The following CEP70 variants were observed in gnomAD, a reference collection of about 807,000 sequenced individuals.
CEP70 encodes the protein centrosomal protein of 70 kDa.
A neutral mutation model predicts 90.9 loss-of-function variants in CEP70; 70 were observed. The ratio of observed to expected loss-of-function variants is 0.77; its 90% CI spans 0.64 to 0.94. The LOEUF (loss-of-function observed/expected upper bound fraction) is 0.94, where lower values mean the gene tolerates loss of function less well. Among genes scored for constraint, CEP70 ranks in the 40% least tolerant of loss-of-function variants. CEP70 has a pLI of 0.00. For missense variants in CEP70, 648 were observed against 669.0 expected (o/e 0.97, Z 0.35); for synonymous variants, 220 against 228.3 (o/e 0.96, Z 0.33).
intron 10 of CEP70, among the ~76,000 whole-genome samples, chr3:138,527,784 C>A (rs1475464739): frequency 2.6e-5 from 4 of 151,842 alleles, no homozygotes; most frequent in Non-Finnish European, 5.9e-5. Context: ...GAACTCCTGG[C>A]CTCAAACAAT....
intron 6 of CEP70, among the ~76,000 whole-genome samples, chr3:138,552,509 AACTCCAAAAGG>A (rs889605549): frequency 6.6e-6 from 1 of 152,216 alleles, no homozygotes; most frequent in Non-Finnish European, 1.5e-5. Context: ...ACTGAAAATC[AACTCCAAAAGG>A]TACCTTCAAA....
intron 16 of CEP70, chr3:138,499,833 T>G: frequency 3.3e-6 from 1 of 301,888 alleles, no homozygotes; most frequent in Non-Finnish European, 6.3e-6. Context: ...TGGCGTGTGC[T>G]TACAGTCACA....
At chr3:138,506,829 A>T (rs527493522) in intron 12 of CEP70, among the ~76,000 whole-genome samples, 12 of 152,274 alleles carry the variant, frequency 7.9e-5, no homozygotes, top group African/African-American at 2.9e-4. Flanking sequence ...GCAGCGTTGA[A>T]TTCCTGGGCT....
At chr3:138,562,756 A>G (rs2040503251) in intron 6 of CEP70, among the ~76,000 whole-genome samples, 1 of 152,342 alleles carries the variant, frequency 6.6e-6, no homozygotes, top group African/African-American at 2.4e-5. Flanking sequence ...AAATCATACC[A>G]AACTGTAAAG....
intron 7 of CEP70, among the ~76,000 whole-genome samples, chr3:138,534,978 G>T (rs1374384308): frequency 6.6e-6 from 1 of 152,000 alleles, no homozygotes; most frequent in Admixed American, 6.6e-5. Flanking sequence ...TACTACAACC[G>T]ATTCCTAACT....
At chr3:138,533,113 C>G (rs2037965496) in intron 7 of CEP70, among the ~76,000 whole-genome samples, 1 of 152,034 alleles carries the variant, frequency 6.6e-6, no homozygotes, top group Non-Finnish European at 1.5e-5. Context: ...AACCCCATCT[C>G]TACTAAAAAT....
At chr3:138,562,705 G>C (rs1162199184) in intron 6 of CEP70, among the ~76,000 whole-genome samples, 1 of 152,126 alleles carries the variant, frequency 6.6e-6, no homozygotes, top group Non-Finnish European at 1.5e-5. Flanking sequence ...CCTGAAGGAA[G>C]CACTAAACAT....
intron 6 of CEP70, among the ~76,000 whole-genome samples, chr3:138,560,507 A>T (rs2040330238): frequency 6.6e-6 from 1 of 151,788 alleles, no homozygotes; most frequent in African/African-American, 2.4e-5. Flanking sequence ...GGCACCTGGA[A>T]TGCCAGTGAG....
intron 1 of CEP70, among the ~76,000 whole-genome samples, chr3:138,593,510 A>C (rs2042493850): frequency 6.6e-6 from 1 of 152,222 alleles, no homozygotes. Flanking sequence ...GGCGTAAGCC[A>C]CTGCGCCCTG....
chr3:138,516,919 C>T (rs2036086111), intron 11 of CEP70, among the ~76,000 whole-genome samples: 1 of 152,202 alleles, frequency 6.6e-6, no homozygotes, highest in South Asian at 2.1e-4. Context: ...AAAGAGTACA[C>T]ATAGATAATC....
chr3:138,501,796 C>T (rs1240692969), intron 13 of CEP70, among the ~76,000 whole-genome samples: 2 of 151,972 alleles, frequency 1.3e-5, no homozygotes, highest in Non-Finnish European at 2.9e-5. Context: ...ATTCCTAGTC[C>T]GAAAATCTGA....
At chr3:138,566,658 CAGGGGCTT>C (rs1427747796) in intron 6 of CEP70, among the ~76,000 whole-genome samples, 4 of 151,600 alleles carry the variant, frequency 2.6e-5, no homozygotes, top group African/African-American at 7.3e-5. Flanking sequence ...TGGGGCCTGT[CAGGGGCTT>C]GGGGGCTAGG....
chr3:138,568,542 T>C (rs902346409), intron 6 of CEP70, among the ~76,000 whole-genome samples: 3 of 152,250 alleles, frequency 2.0e-5, no homozygotes, highest in East Asian at 1.9e-4. Flanking sequence ...AATAAGTCAA[T>C]GATTTAAAGA....
chr3:138,585,737 A>C (rs193171860), intron 2 of CEP70, among the ~76,000 whole-genome samples: 1 of 152,312 alleles, frequency 6.6e-6, no homozygotes, highest in African/African-American at 2.4e-5. Flanking sequence ...ACAAATCCAC[A>C]TACTGACAGT....
At chr3:138,531,501 G>T (rs2037808278) in intron 8 of CEP70, 2 of 152,084 alleles carry the variant, frequency 1.3e-5, no homozygotes, top group Non-Finnish European at 2.9e-5. Context: ...ATCTGTGGCT[G>T]ATTTTGTGCT....
chr3:138,512,404 C>A (rs2035612426), intron 11 of CEP70, among the ~76,000 whole-genome samples: 2 of 152,124 alleles, frequency 1.3e-5, no homozygotes. Flanking sequence ...AATATAACTT[C>A]TATGTTATAT....
intron 11 of CEP70, among the ~76,000 whole-genome samples, chr3:138,518,165 A>T (rs1004639780): frequency 1.3e-5 from 2 of 152,210 alleles, no homozygotes; most frequent in African/African-American, 4.8e-5. Flanking sequence ...AGGCTTGAGT[A>T]GGTAAACAAA....
At position 138,566,768 on chromosome 3, in the gene CEP70, C is replaced by A. The variant is rs1178169084; in HGVS notation, c.465+3550G>T. Among the ~76,000 whole-genome samples, 4 of 151,504 alleles carry A rather than the reference C, an allele frequency of 2.6e-5. No individual in the cohort carries two copies. The East Asian group carries it at 7.8e-4, about 29-fold the overall frequency. On this transcript the variant is annotated intron_variant, in intron 6 of 17. Coordinates refer to ENST00000264982, the MANE Select transcript of CEP70 (RefSeq NM_024491.4). ...GGCACGTGTATACCTATGCAACAAA[C>A]CTGCATGTTCTGCACATGTACCCCA...
intron 6 of CEP70, among the ~76,000 whole-genome samples, chr3:138,540,807 G>C (rs1441649996): frequency 6.6e-6 from 1 of 152,126 alleles, no homozygotes; most frequent in East Asian, 1.9e-4. Flanking sequence ...GTTCACTGCA[G>C]CACTATTCAC....
Sources: allele counts gnomAD v4.1 joint callset (sites outside exome capture counted in the v4.1 genomes callset), GRCh38; gene constraint gnomAD v4.1.1; transcripts MANE v1.5; gene names NCBI Gene and HGNC (gene_info 2026-07-23, HGNC 2026-07-21).